ERC1: variants seen among roughly 807,000 people sequenced by gnomAD.
ERC1 encodes RAB6 interacting protein 2.
ERC1 carries 56 observed loss-of-function variants against 132.0 expected under a neutral mutation model. The observed-to-expected ratio is 0.42, with a 90% confidence interval of 0.34 to 0.53. ERC1 has a LOEUF of 0.53. Among genes scored for constraint, ERC1 ranks in the 20% least tolerant of loss-of-function variants. ERC1 has a pLI of 0.03. For synonymous variants in ERC1, 478 were observed against 476.1 expected (o/e 1.00, Z -0.05); for missense variants, 1,202 against 1,349.9 (o/e 0.89, Z 1.72).
At chr12:1,266,044 T>C (rs537065255) in intron 14 of ERC1, among the ~76,000 whole-genome samples, 1 of 152,338 alleles carries the variant, frequency 6.6e-6, no homozygotes, top group African/African-American at 2.4e-5. Context: ...GATATAAGTT[T>C]TCAGCTCATT....
At chr12:1,376,815 G>T (rs1371395644) in intron 16 of ERC1, among the ~76,000 whole-genome samples, 1 of 151,986 alleles carries the variant, frequency 6.6e-6, no homozygotes, top group Non-Finnish European at 1.5e-5. Context: ...CTATTTATAC[G>T]CCAGCCCTTC....
At chr12:1,073,324 T>C (rs73035153) in intron 2 of ERC1, among the ~76,000 whole-genome samples, 34,499 of 151,072 alleles carry the variant, frequency 0.23, 4,345 homozygotes, top group Middle Eastern at 0.29. Context: ...AAAAATGTTT[T>C]TTTCAGCAAT....
chr12:1,180,278 T>TGC (rs1350603042), intron 8 of ERC1, among the ~76,000 whole-genome samples: 44 of 145,884 alleles, frequency 3.0e-4, no homozygotes, highest in African/African-American at 1.1e-3. Context: ...TGTGTGTGTG[T>TGC]GTGTGCGCGC....
At chr12:1,487,536 C>CT (rs1158687348) in intron 18 of ERC1, among the ~76,000 whole-genome samples, 12 of 45,494 alleles carry the variant, frequency 2.6e-4, no homozygotes, top group East Asian at 1.1e-3. Flanking sequence ...TAGACCGCAC[C>CT]TCTAAAAAAG....
chr12:1,279,719 C>T (rs574937678), intron 14 of ERC1, among the ~76,000 whole-genome samples: 19 of 149,700 alleles, frequency 1.3e-4, no homozygotes, highest in African/African-American at 3.9e-4. Flanking sequence ...GACGGAGTCT[C>T]GCTCTGTCGC....
rs889768654 is a variant in ERC1 at position 1,328,911 on chromosome 12, G to C, written c.2780+38899G>C. Among the ~76,000 whole-genome samples the C allele has an allele frequency of 4.1e-5, 6 of 145,750 alleles. 1 individual carries two copies. The highest frequency in any genetic ancestry group is 1.5e-4 in the African/African-American group (6 of 38,750). ...CAGCCTCTGTTCTTGGGGAGGGAGG[G>C]TCCTTGTCTTTTTCATTCTTGGAAC... is the stretch of plus-strand genomic sequence containing the variant. On this transcript the variant is annotated intron_variant, in intron 15 of 18. Coordinates refer to ENST00000360905, the MANE Select transcript of ERC1 (RefSeq NM_178040.4).
At chr12:1,293,926 A>G (rs73029193) in intron 15 of ERC1, among the ~76,000 whole-genome samples, 3,774 of 152,308 alleles carry the variant, frequency 0.025, 52 homozygotes, top group Middle Eastern at 0.071. Context: ...AATGGGCTAG[A>G]ATACTGAGGT....
chr12:1,041,826 C>G (rs1343667371), intron 2 of ERC1, among the ~76,000 whole-genome samples: 1 of 152,140 alleles, frequency 6.6e-6, no homozygotes, highest in Non-Finnish European at 1.5e-5. Flanking sequence ...TTTCTTGACC[C>G]TTAGAGAGGT....
At chr12:1,394,015 C>CAAAAAAA (rs1216337061) in intron 16 of ERC1, among the ~76,000 whole-genome samples, 1 of 26,928 alleles carries the variant, frequency 3.7e-5, no homozygotes, top group Admixed American at 3.6e-4. Flanking sequence ...GACTCCGTCT[C>CAAAAAAA]AAAAAAAAAA....
intron 2 of ERC1, among the ~76,000 whole-genome samples, chr12:1,048,080 C>T (rs925025339): frequency 1.3e-5 from 2 of 152,154 alleles, no homozygotes; most frequent in Non-Finnish European, 2.9e-5. Context: ...CAGGTAACAG[C>T]GGCCAGCACT....
At chr12:1,185,380 T>C (rs907317144) in intron 11 of ERC1, among the ~76,000 whole-genome samples, 12 of 152,148 alleles carry the variant, frequency 7.9e-5, no homozygotes, top group South Asian at 2.1e-4. Flanking sequence ...TTTTTTCCCT[T>C]GTAGAGTGAA....
At chr12:1,448,149 A>C (rs985174818) in intron 18 of ERC1, among the ~76,000 whole-genome samples, 2 of 152,242 alleles carry the variant, frequency 1.3e-5, no homozygotes, top group African/African-American at 2.4e-5. Context: ...ATTGTGTTAC[A>C]GTCAAGCTAC....
intron 7 of ERC1, among the ~76,000 whole-genome samples, chr12:1,125,338 C>T (rs1566028683): frequency 6.6e-6 from 1 of 151,882 alleles, no homozygotes; most frequent in South Asian, 2.1e-4. Flanking sequence ...TAGTCATTTT[C>T]ATCCTCAAGT....
intron 17 of ERC1, among the ~76,000 whole-genome samples, chr12:1,436,459 T>C (rs1040943794): frequency 6.6e-5 from 10 of 152,168 alleles, no homozygotes; most frequent in Non-Finnish European, 1.2e-4. Context: ...GGAGGTCCCT[T>C]TTGTTGACCC....
rs1185592662 is a variant in ERC1 at position 1,401,023 on chromosome 12, C to T, written c.2926-7126C>T. On this transcript the variant is annotated intron_variant, in intron 16 of 18. Transcript: ENST00000360905. ...TGATCTGGGCTCACTGCAAGCTCCACCTCCCGGGTTCACGCCATTCTCCTG... is the reference window on the plus strand; with the variant it reads ...TGATCTGGGCTCACTGCAAGCTCCATCTCCCGGGTTCACGCCATTCTCCTG... Among the ~76,000 whole-genome samples the T allele has an allele frequency of 2.7e-5, 4 of 146,512 alleles. No homozygotes were observed. The East Asian group carries it at 6.1e-4, about 22-fold the overall frequency.
intron 2 of ERC1, among the ~76,000 whole-genome samples, chr12:1,063,702 A>G (rs1331944536): frequency 6.6e-6 from 1 of 152,034 alleles, no homozygotes; most frequent in East Asian, 1.9e-4. Flanking sequence ...TGTACATTCA[A>G]GATTGTTCTT....
Position 1,460,958 on chromosome 12 carries a change from C to CTTTTTTTTTTTTTTTTTTTT in ERC1, c.3213+16212_3213+16231dup, listed in dbSNP as rs35505633. On this transcript the variant is annotated intron_variant, in intron 18 of 18. Coordinates refer to ENST00000360905, the MANE Select transcript of ERC1 (RefSeq NM_178040.4). ...GACTTGCCTAAACGATGAGGAGGCCCTTTTTTTTTTTTTTTTTTTTTTTCA... is the reference window on the plus strand; with the variant it reads ...GACTTGCCTAAACGATGAGGAGGCCCTTTTTTTTTTTTTTTTTTTTTTTTTTTTTTTTTTTTTTTTTTTCA... 9.9e-4 allele frequency among the ~76,000 whole-genome samples: 64 copies of CTTTTTTTTTTTTTTTTTTTT among 64,948 alleles called. 6 individuals carry two copies. The highest frequency in any genetic ancestry group is 3.6e-3 in the African/African-American group (59 of 16,516). The allele number at this position is 64,948 out of a possible 152,430, so 42.6% of individuals were successfully genotyped here. A position where few individuals can be genotyped will look rare whatever the true frequency, so the allele number is the denominator to read the frequency against.
intron 13 of ERC1, among the ~76,000 whole-genome samples, chr12:1,259,077 T>C (rs2076982709): frequency 6.8e-6 from 1 of 146,510 alleles, no homozygotes. Context: ...ATTTTTCAAT[T>C]TTCTTTTGAT....
chr12:1,017,884 A>T (rs1257794654), intron 1 of ERC1, among the ~76,000 whole-genome samples: 1 of 152,186 alleles, frequency 6.6e-6, no homozygotes, highest in Non-Finnish European at 1.5e-5. Context: ...TAGGTCTCTG[A>T]CATAGAGTTT....
Sources: allele counts gnomAD v4.1 joint callset (sites outside exome capture counted in the v4.1 genomes callset), GRCh38; gene constraint gnomAD v4.1.1; transcripts MANE v1.5; gene names NCBI Gene and HGNC (gene_info 2026-07-23, HGNC 2026-07-21).